The following FREM2 variants were observed in gnomAD, a reference collection of about 807,000 sequenced individuals.
FREM2 encodes the protein FRAS1 related extracellular matrix 2.
A neutral mutation model predicts 219.9 loss-of-function variants in FREM2; 119 were observed. That is an observed-to-expected ratio of 0.54 (90% CI 0.47 to 0.63). FREM2 has a LOEUF of 0.63. FREM2 is among the 30% of genes least tolerant of loss of function. The pLI is 0.00. For missense variants in FREM2, 4,030 were observed against 3,993.6 expected (o/e 1.01, Z -0.25); for synonymous variants, 1,562 against 1,522.8 (o/e 1.03, Z -0.60).
At position 38,756,631 on chromosome 13, in the gene FREM2, G is replaced by A. The variant is rs377030973; in HGVS notation, c.5264-7673G>A. Among the ~76,000 whole-genome samples the A allele has an allele frequency of 7.4e-5, 11 of 149,204 alleles. No homozygotes were observed. In the East Asian group the frequency reaches 1.4e-3, roughly 19 times the overall value. ...CAACCTCTGCCTCCCAGGTTCAAGCGATTCTCGTGTCTCAGTCTCCCAAGT... is the reference window on the plus strand; with the variant it reads ...CAACCTCTGCCTCCCAGGTTCAAGCAATTCTCGTGTCTCAGTCTCCCAAGT... On this transcript the variant is annotated intron_variant, in intron 2 of 23. Transcript: ENST00000280481.
rs1877379275 is a variant in FREM2 at position 38,851,760 on chromosome 13, A to G, written c.6817A>G (p.Arg2273Gly). ...AGAACCTGGAGAGTCGGTGGTTATA[A>G]GAATTCCAGTGATTCGCCAAGGAGA... ...PKEPGESVVI[R>G]IPVIRQGDTS... The change falls in exon 11 of 24, where the codon AGA (arginine) becomes GGA (glycine). Residue 2273 changes from arginine (R) to glycine (G), a missense_variant. Transcript: ENST00000280481. 1 of 1,613,658 alleles carries G rather than the reference A, an allele frequency of 6.2e-7. No individual in the cohort carries two copies. The highest frequency in any genetic ancestry group is 2.2e-5 in the East Asian group (1 of 44,858).
rs1555272871 is a variant in FREM2, at chr13:38,861,415, C to CGT, written c.7520-16_7520-15insGT. 2,071 of 1,321,142 alleles carry CGT rather than the reference C, an allele frequency of 1.6e-3. 25 individuals carry two copies. Among genetic ancestry groups the CGT allele is most frequent in the Admixed American group, 3.7e-3 (194 of 53,126 alleles). The allele number at this position is 1,321,142 out of a possible 1,614,324, so 81.8% of individuals were successfully genotyped here. The stretch of plus-strand genomic sequence containing the variant: ...TACCTTCTTTTCGCATAAATATGGT[C>CGT]TTTTTTTTTTTCAAGGTCTTTGTCA... On this transcript the variant is annotated splice_polypyrimidine_tract_variant and intron_variant, in intron 14 of 23. Coordinates refer to ENST00000280481, the MANE Select transcript of FREM2 (RefSeq NM_207361.6).
chr13:38,764,633 T>C (rs1873364563), intron 3 of FREM2, among the ~76,000 whole-genome samples, 183 bp downstream of exon 3: 1 of 152,230 alleles, frequency 6.6e-6, no homozygotes. Flanking sequence ...TCAAGCCTTC[T>C]GTGTACATAT....
intron 6 of FREM2, among the ~76,000 whole-genome samples, chr13:38,838,183 TG>T (rs769953073): frequency 5.9e-5 from 9 of 152,200 alleles, no homozygotes; most frequent in Non-Finnish European, 8.8e-5. Flanking sequence ...AGCATTTGTT[TG>T]TCTGTAAAAG....
chr13:38,724,397 A>G (rs962767772), intron 2 of FREM2, among the ~76,000 whole-genome samples: 2 of 152,226 alleles, frequency 1.3e-5, no homozygotes, highest in Admixed American at 6.5e-5. Context: ...CAGCAAGTAT[A>G]TGACAGAGTT....
chr13:38,709,898 C>T (rs1039457963), intron 2 of FREM2, among the ~76,000 whole-genome samples: 3 of 151,806 alleles, frequency 2.0e-5, no homozygotes, highest in African/African-American at 7.3e-5. Flanking sequence ...AATCCCAGCA[C>T]TTTGGGAGGC....
At chr13:38,738,559 C>G (rs1365722051) in intron 2 of FREM2, among the ~76,000 whole-genome samples, 1 of 95,150 alleles carries the variant, frequency 1.1e-5, no homozygotes. Context: ...GAGTGAGACT[C>G]CATCTCAAAA....
intron 6 of FREM2, among the ~76,000 whole-genome samples, chr13:38,828,334 A>C (rs1024341476): frequency 6.6e-6 from 1 of 152,170 alleles, no homozygotes; most frequent in Non-Finnish European, 1.5e-5. Flanking sequence ...GTTCAGGTAC[A>C]CTGAAAGTAC....
At chr13:38,823,203 AT>A (rs1439505033) in intron 6 of FREM2, among the ~76,000 whole-genome samples, 1 of 151,534 alleles carries the variant, frequency 6.6e-6, no homozygotes, top group Non-Finnish European at 1.5e-5. Context: ...TATCCTTATT[AT>A]TTTTCCTCGT....
chr13:38,806,554 C>CAA (rs1875234985), intron 6 of FREM2, among the ~76,000 whole-genome samples: 1 of 151,884 alleles, frequency 6.6e-6, no homozygotes, highest in Non-Finnish European at 1.5e-5. Flanking sequence ...AGTATTGTGT[C>CAA]TAAAAATGTA....
intron 4 of FREM2, among the ~76,000 whole-genome samples, chr13:38,777,247 T>G (rs1484945454): frequency 6.6e-6 from 1 of 152,178 alleles, no homozygotes; most frequent in African/African-American, 2.4e-5. Context: ...CTAACTTCGT[T>G]TTTTCTGATT....
intron 3 of FREM2, among the ~76,000 whole-genome samples, chr13:38,767,186 AT>A (rs1873470263): frequency 6.6e-6 from 1 of 152,206 alleles, no homozygotes; most frequent in Non-Finnish European, 1.5e-5. Context: ...CACAACTGTT[AT>A]ATGGCCTGGA....
At position 38,883,759 on chromosome 13, in the gene FREM2, A is replaced by AG. The variant is rs1878630854; in HGVS notation, c.*2972_*2973insG. 1 of 152,214 alleles carries AG rather than the reference A, an allele frequency of 6.6e-6. No individual in the cohort carries two copies. Among genetic ancestry groups the AG allele is most frequent in the Non-Finnish European group, 1.5e-5 (1 of 68,038 alleles). 9.4% of individuals were successfully genotyped at this position (152,214 alleles called of 1,614,324 possible). ...CATTAGATTCTCTCCTGAACCAAAA[A>AG]CACAACAGTCATTATCTGTGAACCA... On this transcript the variant is annotated 3_prime_UTR_variant, in exon 24 of 24. Coordinates refer to ENST00000280481, the MANE Select transcript of FREM2 (RefSeq NM_207361.6).
intron 6 of FREM2, among the ~76,000 whole-genome samples, chr13:38,835,509 G>A (rs568532522): frequency 1.1e-3 from 172 of 152,298 alleles, no homozygotes; most frequent in African/African-American, 4.0e-3. Flanking sequence ...TGATGGAATA[G>A]CATTGAATCT....
At chr13:38,810,625 A>G (rs1039939719) in intron 6 of FREM2, among the ~76,000 whole-genome samples, 2 of 152,036 alleles carry the variant, frequency 1.3e-5, no homozygotes, top group South Asian at 4.1e-4. Context: ...ACATTTATTG[A>G]TTTGCATATG....
chr13:38,761,662 A>G (rs1873230351), intron 2 of FREM2, among the ~76,000 whole-genome samples: 1 of 152,208 alleles, frequency 6.6e-6, no homozygotes, highest in African/African-American at 2.4e-5. Context: ...AATCAATAAG[A>G]GAACAGCTGC....
At chr13:38,799,189 G>A (rs1262978059) in intron 6 of FREM2, among the ~76,000 whole-genome samples, 1 of 151,738 alleles carries the variant, frequency 6.6e-6, no homozygotes, top group African/African-American at 2.4e-5. Flanking sequence ...TTTGTTTCAA[G>A]AAATTTTTTT....
chr13:38,851,639 T>C, intron 10 of FREM2, 47 bp from the exon 11 acceptor site: 1 of 1,353,922 alleles, frequency 7.4e-7, no homozygotes. Flanking sequence ...AGGAAAAGCA[T>C]TCCCCTTACT....
intron 6 of FREM2, 42 bp downstream of exon 6, chr13:38,784,850 T>G (rs1233862294): frequency 1.2e-6 from 2 of 1,605,554 alleles, no homozygotes; most frequent in African/African-American, 2.7e-5. Context: ...CCCGGGAAGA[T>G]CAACATCAGG....
Sources: gnomAD v4.1 joint callset for allele counts (sites outside exome capture counted in the v4.1 genomes callset) on GRCh38, gnomAD v4.1.1 for gene constraint, MANE v1.5 for transcripts, NCBI Gene and HGNC (gene_info 2026-07-23, HGNC 2026-07-21) for gene names.